The following OSBP2 variants were observed in gnomAD, a reference collection of about 807,000 sequenced individuals.
OSBP2 encodes the protein oxysterol binding protein 2.
OSBP2 carries 66 observed loss-of-function variants against 96.0 expected under a neutral mutation model. That is an observed-to-expected ratio of 0.69 (90% CI 0.56 to 0.84). The LOEUF (loss-of-function observed/expected upper bound fraction) is 0.84. OSBP2 is among the 40% of genes least tolerant of loss of function. OSBP2 has a pLI of 0.00. For synonymous variants in OSBP2, 525 were observed against 520.9 expected, an observed-to-expected ratio of 1.01 and a Z score of -0.11; for missense variants, 1,038 against 1,222.7, an observed-to-expected ratio of 0.85 and a Z score of 2.25.
At chr22:30,745,666 C>CAAAAA (rs71328868) in intron 2 of OSBP2, among the ~76,000 whole-genome samples, 2 of 58,652 alleles carry the variant, frequency 3.4e-5, no homozygotes, top group African/African-American at 6.6e-5. Context: ...GACTCTGTCT[C>CAAAAA]AAAAAAAAAA....
upstream of OSBP2, chr22:30,694,364 G>A: frequency 6.6e-7 from 1 of 1,525,546 alleles, no homozygotes; most frequent in Non-Finnish European, 8.8e-7. Flanking sequence ...GCCATGGGGG[G>A]CGGGGCGTCG....
At chr22:30,848,522 G>A (rs1014647473) in intron 2 of OSBP2, among the ~76,000 whole-genome samples, 11 of 152,072 alleles carry the variant, frequency 7.2e-5, no homozygotes, top group Non-Finnish European at 1.5e-4. Flanking sequence ...CTGTGTAGCT[G>A]CCACCCTAAA....
intron 2 of OSBP2, among the ~76,000 whole-genome samples, chr22:30,748,959 T>C (rs927813713): frequency 3.3e-5 from 5 of 152,086 alleles, no homozygotes; most frequent in Non-Finnish European, 7.4e-5. Context: ...GTAATAAAAA[T>C]ACAAAAATTA....
intron 2 of OSBP2, among the ~76,000 whole-genome samples, chr22:30,745,398 G>A (rs527366733): frequency 2.0e-5 from 3 of 152,284 alleles, no homozygotes; most frequent in East Asian, 3.9e-4. Flanking sequence ...GGTGGCTCAC[G>A]CCTGTAATCC....
intron 2 of OSBP2, among the ~76,000 whole-genome samples, chr22:30,756,561 C>T (rs910632081): frequency 2.6e-5 from 4 of 152,234 alleles, no homozygotes; most frequent in African/African-American, 4.8e-5. Flanking sequence ...GGCATGGTGG[C>T]GCACGCCTGT....
At chr22:30,750,728 A>G (rs2090064626) in intron 2 of OSBP2, among the ~76,000 whole-genome samples, 9 of 152,132 alleles carry the variant, frequency 5.9e-5, no homozygotes, top group Admixed American at 5.9e-4. Context: ...CTTTCTAGTG[A>G]TAACTCTTTG....
At position 30,893,492 on chromosome 22, in the gene OSBP2, G is replaced by A; in HGVS notation, c.2020G>A (p.Gly674Arg). ...GAIHLEFQASGNHYVWRKSTS... is the reference protein window; with the variant it reads ...GAIHLEFQASRNHYVWRKSTS... Reference sequence around the variant, plus strand: ...CATCCACTTAGAATTCCAGGCCAGTGGGAATCACTACGTGTGGAGGAAGAG... The same window carrying A: ...CATCCACTTAGAATTCCAGGCCAGTAGGAATCACTACGTGTGGAGGAAGAG... The change falls in exon 10 of 14, where the codon GGG (glycine) becomes AGG (arginine). Residue 674 changes from glycine to arginine, a missense_variant. By Grantham distance (125) the Gly-to-Arg change is moderately radical. Transcript: ENST00000332585. The A allele has an allele frequency of 6.2e-7, 1 of 1,614,152 alleles. No homozygotes were observed. The highest frequency in any genetic ancestry group is 8.5e-7 in the Non-Finnish European group (1 of 1,179,978).
intron 2 of OSBP2, among the ~76,000 whole-genome samples, chr22:30,815,430 C>T (rs997861197): frequency 1.3e-5 from 2 of 152,194 alleles, no homozygotes; most frequent in Non-Finnish European, 2.9e-5. Flanking sequence ...TCTGTACTTC[C>T]TCTGTCCTCT....
intron 1 of OSBP2, among the ~76,000 whole-genome samples, chr22:30,733,671 AATACAAC>A: frequency 6.6e-6 from 1 of 152,210 alleles, no homozygotes; most frequent in Non-Finnish European, 1.5e-5. Context: ...GTTTGGGTCC[AATACAAC>A]TATGTAAGTC....
intron 3 of OSBP2, 147 bp from the exon 4 acceptor site, chr22:30,887,279 T>G: frequency 1.5e-6 from 1 of 646,460 alleles, no homozygotes; most frequent in Non-Finnish European, 2.7e-6. Context: ...TTAGAATGCC[T>G]TAGCTGTCTG....
intron 2 of OSBP2, among the ~76,000 whole-genome samples, chr22:30,759,874 T>C (rs1032906247): frequency 2.0e-5 from 3 of 152,196 alleles, no homozygotes; most frequent in Non-Finnish European, 4.4e-5. Flanking sequence ...TTTCTTTTTT[T>C]TTTGAGACAG....
chr22:30,817,530 G>A (rs1327278943), intron 2 of OSBP2, among the ~76,000 whole-genome samples: 2 of 152,222 alleles, frequency 1.3e-5, no homozygotes, highest in Non-Finnish European at 2.9e-5. Flanking sequence ...AGGGTGCAAA[G>A]GGGAAAGGGG....
chr22:30,754,783 T>C (rs958517527), intron 2 of OSBP2, among the ~76,000 whole-genome samples: 58 of 152,202 alleles, frequency 3.8e-4, no homozygotes, highest in African/African-American at 1.4e-3. Context: ...GCTGCTGTGC[T>C]GGGGCAGGGG....
chr22:30,888,813 G>A (rs972303446), intron 5 of OSBP2, among the ~76,000 whole-genome samples: 3 of 152,144 alleles, frequency 2.0e-5, no homozygotes, highest in African/African-American at 7.2e-5. Flanking sequence ...AAACCTAGCT[G>A]ATAGAGCCTG....
chr22:30,729,985 G>A (rs1469420417), intron 1 of OSBP2, among the ~76,000 whole-genome samples: 1 of 151,894 alleles, frequency 6.6e-6, no homozygotes, highest in Non-Finnish European at 1.5e-5. Flanking sequence ...TTGAGATGGA[G>A]TCTCCCTCTG....
rs141697210 is a variant in OSBP2, at chr22:30,793,732, C to T, written c.853+52363C>T. Reference sequence around the variant, plus strand: ...AAAATTAGACCCACGTGGTGGTGCACACCTATAGTCCTAGTCATTTGGGAG... The same window carrying T: ...AAAATTAGACCCACGTGGTGGTGCATACCTATAGTCCTAGTCATTTGGGAG... On this transcript the variant is annotated intron_variant, in intron 2 of 13. Coordinates refer to ENST00000332585, the MANE Select transcript of OSBP2 (RefSeq NM_030758.4). Among the ~76,000 whole-genome samples, 97 of 152,280 alleles carry T rather than the reference C, an allele frequency of 6.4e-4. 3 individuals carry two copies. In the East Asian group the frequency reaches 0.012, roughly 19 times the overall value.
chr22:30,702,184 G>A (rs561278928), intron 1 of OSBP2, among the ~76,000 whole-genome samples: 2 of 152,180 alleles, frequency 1.3e-5, no homozygotes, highest in African/African-American at 2.4e-5. Flanking sequence ...CCCAGTTGCC[G>A]CATCATGGTT....
At chr22:30,842,432 G>C (rs975281329) in intron 2 of OSBP2, among the ~76,000 whole-genome samples, 1 of 152,100 alleles carries the variant, frequency 6.6e-6, no homozygotes, top group Non-Finnish European at 1.5e-5. Flanking sequence ...GATTGCTGAA[G>C]GTTGGGGTGG....
chr22:30,835,034 C>T (rs1027296600), intron 2 of OSBP2, among the ~76,000 whole-genome samples: 8 of 151,978 alleles, frequency 5.3e-5, no homozygotes, highest in Admixed American at 1.3e-4. Flanking sequence ...CAGGTGGTCT[C>T]GAACTTCTGA....
Sources: allele counts gnomAD v4.1 joint callset (sites outside exome capture counted in the v4.1 genomes callset), GRCh38; gene constraint gnomAD v4.1.1; transcripts MANE v1.5; gene names NCBI Gene and HGNC (gene_info 2026-07-23, HGNC 2026-07-21).